The following LGR6 variants were observed in gnomAD, a reference collection of about 807,000 sequenced individuals.
LGR6 encodes leucine rich repeat containing G protein-coupled receptor 6, also known as leucine-rich repeat-containing G protein-coupled receptor 6.
A neutral mutation model predicts 69.4 loss-of-function variants in LGR6; 45 were observed. That is an observed-to-expected ratio of 0.65 (90% confidence interval 0.51 to 0.83). The LOEUF (loss-of-function observed/expected upper bound fraction) is 0.83. Ranked by LOEUF, LGR6 falls within the 40% of genes least tolerant of loss-of-function variation. LGR6 has a pLI of 0.00. For synonymous variants in LGR6, 538 were observed against 555.0 expected, an observed-to-expected ratio of 0.97 and a Z score of 0.43; for missense variants, 1,108 against 1,246.7, an observed-to-expected ratio of 0.89 and a Z score of 1.68.
chr1:202,244,872 G>A (rs1369308465), intron 4 of LGR6, among the ~76,000 whole-genome samples: 4 of 152,220 alleles, frequency 2.6e-5, no homozygotes, highest in African/African-American at 2.4e-5. Context: ...GAGGGTTAGA[G>A]TGGGCAGTAG....
At chr1:202,314,428 C>A (rs1355506730) in intron 16 of LGR6, among the ~76,000 whole-genome samples, 3 of 152,206 alleles carry the variant, frequency 2.0e-5, no homozygotes, top group Non-Finnish European at 4.4e-5. Flanking sequence ...CACAAAATTA[C>A]AGTGACAGCC....
In LGR6 at chr1:202,225,343, G is replaced by C. The variant is rs754269489; in HGVS notation, c.213-80G>C. The stretch of plus-strand genomic sequence containing the variant: ...ACTGTGGGAGCCTCGGAGGTCCCTC[G>C]AGGGGGGTTGGCACCTGGACAGTGC... On this transcript the variant is annotated intron_variant, in intron 1 of 17. Transcript: ENST00000367278. The C allele has an allele frequency of 1.5e-5, 20 of 1,336,218 alleles. No individual in the cohort carries two copies. The East Asian group carries it at 4.2e-4, about 28-fold the overall frequency. The allele number at this position is 1,336,218 out of a possible 1,614,324, so 82.8% of individuals were successfully genotyped here.
intron 6 of LGR6, among the ~76,000 whole-genome samples, chr1:202,289,321 G>T (rs888158510): frequency 6.6e-6 from 1 of 152,140 alleles, no homozygotes; most frequent in Non-Finnish European, 1.5e-5. Context: ...GTACAAACTG[G>T]ATCCCCAATT....
chr1:202,312,954 C>T (rs922888921), intron 16 of LGR6, among the ~76,000 whole-genome samples: 3 of 152,124 alleles, frequency 2.0e-5, no homozygotes, highest in Non-Finnish European at 2.9e-5. Context: ...TAAGGCCGGG[C>T]ACGGTGGCTC....
intron 4 of LGR6, among the ~76,000 whole-genome samples, chr1:202,248,145 G>A (rs1370981877): frequency 6.6e-6 from 1 of 152,236 alleles, no homozygotes; most frequent in African/African-American, 2.4e-5. Context: ...GCCACCGGCT[G>A]AGGCTGCGTG....
intron 4 of LGR6, among the ~76,000 whole-genome samples, chr1:202,269,737 G>A (rs1269988637): frequency 6.6e-6 from 1 of 152,194 alleles, no homozygotes; most frequent in Non-Finnish European, 1.5e-5. Flanking sequence ...CTCAGAGCTA[G>A]GGAGGGGACC....
At chr1:202,317,432 T>TC (rs1455557420) in intron 17 of LGR6, among the ~76,000 whole-genome samples, 1 of 151,828 alleles carries the variant, frequency 6.6e-6, no homozygotes, top group Non-Finnish European at 1.5e-5. Context: ...GCAACCTCCG[T>TC]CCCCCGGGTT....
intron 5 of LGR6, 98 bp downstream of exon 5, chr1:202,276,619 C>T (rs1665581958): frequency 2.0e-6 from 2 of 1,015,464 alleles, no homozygotes; most frequent in Non-Finnish European, 2.9e-6. Context: ...TAGCTTTGCT[C>T]TTCTTTGCAT....
At chr1:202,312,572 G>C (rs1653825395) in intron 16 of LGR6, among the ~76,000 whole-genome samples, 2 of 152,202 alleles carry the variant, frequency 1.3e-5, no homozygotes, top group Admixed American at 1.3e-4. Context: ...GTGAACCAAA[G>C]ATGGAACAAG....
At chr1:202,310,581 A>G (rs705766) in intron 16 of LGR6, among the ~76,000 whole-genome samples, 86,063 of 151,898 alleles carry the variant, frequency 0.57, 25,537 homozygotes, top group East Asian at 0.75. Flanking sequence ...AATGATGGTA[A>G]CAATGGCTGT....
chr1:202,297,456 G>T, intron 6 of LGR6, 52 bp from the exon 7 acceptor site: 1 of 1,468,368 alleles, frequency 6.8e-7, no homozygotes, highest in South Asian at 1.2e-5. Flanking sequence ...CAGGGACCCT[G>T]ACATGCCCCA....
chr1:202,272,763 G>A (rs12122802), intron 4 of LGR6, among the ~76,000 whole-genome samples: 435 of 152,372 alleles, frequency 2.9e-3, no homozygotes, highest in Non-Finnish European at 5.1e-3. Context: ...CATGTGGCCA[G>A]CAAACGTGTG....
At chr1:202,252,659 A>G (rs1663367810) in intron 4 of LGR6, among the ~76,000 whole-genome samples, 1 of 152,238 alleles carries the variant, frequency 6.6e-6, no homozygotes, top group East Asian at 1.9e-4. Flanking sequence ...GACAATACAT[A>G]GCCTTTAGGT....
chr1:202,225,371 G>C, intron 1 of LGR6, 52 bp from the exon 2 acceptor site: 1 of 1,550,738 alleles, frequency 6.4e-7, no homozygotes, highest in Non-Finnish European at 8.9e-7. Flanking sequence ...GACAGTGCCA[G>C]ATGGCCCAAG....
chr1:202,293,514 T>TA (rs922527841), intron 6 of LGR6, among the ~76,000 whole-genome samples: 31 of 152,138 alleles, frequency 2.0e-4, no homozygotes, highest in African/African-American at 7.5e-4. Context: ...TTTTTTTTTT[T>TA]AAACCCATCT....
intron 1 of LGR6, among the ~76,000 whole-genome samples, chr1:202,207,352 C>G (rs1370174166): frequency 6.6e-6 from 1 of 152,154 alleles, no homozygotes; most frequent in Non-Finnish European, 1.5e-5. Flanking sequence ...CAGGAGGTGG[C>G]CCCAGGACTA....
chr1:202,214,278 C>A (rs1261213504), intron 1 of LGR6: 11 of 1,503,162 alleles, frequency 7.3e-6, no homozygotes, highest in Admixed American at 2.5e-5. Flanking sequence ...GAAAGTTCCA[C>A]AGGTCCTCCG....
intron 6 of LGR6, among the ~76,000 whole-genome samples, chr1:202,285,905 G>T (rs979752007): frequency 6.6e-6 from 1 of 152,174 alleles, no homozygotes; most frequent in Admixed American, 6.5e-5. Flanking sequence ...AGGGTTTGAG[G>T]CGGAATCTAT....
chr1:202,254,702 G>A (rs1038637443), intron 4 of LGR6, among the ~76,000 whole-genome samples: 10 of 152,190 alleles, frequency 6.6e-5, no homozygotes, highest in African/African-American at 1.4e-4. Context: ...GTGGGAAGGG[G>A]AGGAGCAAGT....
Sources: allele counts gnomAD v4.1 joint callset (sites outside exome capture counted in the v4.1 genomes callset), GRCh38; gene constraint gnomAD v4.1.1; transcripts MANE v1.5; gene names NCBI Gene and HGNC (gene_info 2026-07-23, HGNC 2026-07-21).